The following GRM7 variants were observed in gnomAD, a reference collection of about 807,000 sequenced individuals.
GRM7 encodes the protein metabotropic glutamate receptor 7.
GRM7 carries 35 observed loss-of-function variants against 84.5 expected under a neutral mutation model. The observed-to-expected ratio is 0.41, with a 90% CI of 0.32 to 0.55. The LOEUF is 0.55. Ranked by LOEUF, GRM7 falls within the 20% of genes least tolerant of loss-of-function variation. GRM7 has a pLI of 0.19. For missense variants in GRM7, 1,003 were observed against 1,194.6 expected, an observed-to-expected ratio of 0.84 and a Z score of 2.36; for synonymous variants, 487 against 455.1, an observed-to-expected ratio of 1.07 and a Z score of -0.89.
intron 1 of GRM7, among the ~76,000 whole-genome samples, chr3:6,876,410 C>G (rs994242297): frequency 3.3e-5 from 5 of 152,016 alleles, no homozygotes; most frequent in African/African-American, 1.2e-4. Context: ...ACTTTGCTGG[C>G]TGTGGCAAAT....
rs371305531 is a variant in GRM7 at position 7,605,561 on chromosome 3, C to T, written c.2451+26204C>T. Reference sequence around the variant, plus strand: ...CCTGGGGCATAATATACCTAGCATACTAAGAATACAGCAAGAATGTCAAGT... The same window carrying T: ...CCTGGGGCATAATATACCTAGCATATTAAGAATACAGCAAGAATGTCAAGT... On this transcript the variant is annotated intron_variant, in intron 8 of 9. Coordinates refer to ENST00000357716, the MANE Select transcript of GRM7 (RefSeq NM_000844.4). 1.2e-3 allele frequency among the ~76,000 whole-genome samples: 178 copies of T among 152,146 alleles called. 1 individual carries two copies. Among genetic ancestry groups the T allele is most frequent in the African/African-American group, 3.9e-3 (163 of 41,512 alleles).
intron 6 of GRM7, among the ~76,000 whole-genome samples, chr3:7,457,859 A>T (rs1343422000): frequency 6.6e-6 from 1 of 152,200 alleles, no homozygotes; most frequent in African/African-American, 2.4e-5. Flanking sequence ...AGCCAATATC[A>T]ACTGTCAGAC....
intron 8 of GRM7, among the ~76,000 whole-genome samples, chr3:7,625,629 A>T (rs1697573765): frequency 6.6e-6 from 1 of 152,134 alleles, no homozygotes; most frequent in African/African-American, 2.4e-5. Context: ...TGATGGTGCT[A>T]TTGCATTCCA....
chr3:6,878,745 AT>A (rs1296363695), intron 1 of GRM7, among the ~76,000 whole-genome samples: 3 of 152,068 alleles, frequency 2.0e-5, no homozygotes, highest in Non-Finnish European at 4.4e-5. Context: ...TAGAAACTAT[AT>A]TTTTCTTGAA....
At chr3:7,730,041 A>C (rs932926476) in intron 9 of GRM7, among the ~76,000 whole-genome samples, 2 of 149,316 alleles carry the variant, frequency 1.3e-5, no homozygotes, top group East Asian at 4.3e-4. Flanking sequence ...CACCTGGCTA[A>C]TTTTTGTATT....
intron 2 of GRM7, among the ~76,000 whole-genome samples, chr3:7,166,456 T>TA (rs533522746): frequency 9.4e-4 from 143 of 152,308 alleles, no homozygotes; most frequent in African/African-American, 3.2e-3. Context: ...TAAAAGGAGA[T>TA]ACTCTTTCTG....
rs563258672 is a variant in GRM7 at position 7,151,947 on chromosome 3, T to C, written c.736+5279T>C. On this transcript the variant is annotated intron_variant, in intron 2 of 9. Coordinates refer to ENST00000357716, the MANE Select transcript of GRM7 (RefSeq NM_000844.4). The surrounding 1 kb of genome is among the most constrained non-coding windows in gnomAD (Gnocchi z 4.5). ...TTTCTTTCTGTCTATGTCATGGTGA[T>C]TATGGAAAACTCTGACACATTTTAA... Among the ~76,000 whole-genome samples the C allele has an allele frequency of 6.6e-6, 1 of 152,216 alleles. No homozygotes were observed. The highest frequency in any genetic ancestry group is 2.1e-4 in the South Asian group (1 of 4,812).
At chr3:7,309,859 G>A (rs755696456) in intron 4 of GRM7, among the ~76,000 whole-genome samples, 1 of 152,088 alleles carries the variant, frequency 6.6e-6, no homozygotes, top group Non-Finnish European at 1.5e-5. Context: ...AGTGTTTATG[G>A]GAAATCTGGG....
At chr3:7,475,438 C>T (rs950247983) in intron 7 of GRM7, among the ~76,000 whole-genome samples, 3 of 152,090 alleles carry the variant, frequency 2.0e-5, no homozygotes, top group Non-Finnish European at 2.9e-5. Context: ...TTACCCGATT[C>T]GTGTGCATAT....
At chr3:7,013,957 T>C (rs903981547) in intron 1 of GRM7, among the ~76,000 whole-genome samples, 2 of 152,222 alleles carry the variant, frequency 1.3e-5, no homozygotes, top group Non-Finnish European at 2.9e-5. Context: ...CTTTTGGTGT[T>C]AACTGACATA....
intron 1 of GRM7, among the ~76,000 whole-genome samples, chr3:7,099,273 G>T (rs1003496933): frequency 1.5e-5 from 2 of 130,460 alleles, no homozygotes; most frequent in African/African-American, 3.6e-5. Flanking sequence ...ATGTATATAT[G>T]AATACATGTA....
At chr3:7,121,122 A>G (rs1320439032) in intron 1 of GRM7, among the ~76,000 whole-genome samples, 1 of 152,192 alleles carries the variant, frequency 6.6e-6, no homozygotes, top group Non-Finnish European at 1.5e-5. Flanking sequence ...ATGAAAGAGT[A>G]TTATCATGAG....
intron 8 of GRM7, among the ~76,000 whole-genome samples, chr3:7,676,883 T>C (rs9860395): frequency 0.19 from 28,945 of 152,128 alleles, 6,121 homozygotes; most frequent in African/African-American, 0.53. Flanking sequence ...TGTCAGTACA[T>C]TATGATGGTT....
At chr3:7,508,973 A>G (rs1382244324) in intron 7 of GRM7, among the ~76,000 whole-genome samples, 2 of 152,146 alleles carry the variant, frequency 1.3e-5, no homozygotes, top group Non-Finnish European at 2.9e-5. Context: ...TTCACTTTTC[A>G]AAGTTTCAAT....
intron 8 of GRM7, among the ~76,000 whole-genome samples, chr3:7,588,153 C>T (rs1020783125): frequency 6.6e-6 from 1 of 152,144 alleles, no homozygotes; most frequent in African/African-American, 2.4e-5. Flanking sequence ...TGCCCATATA[C>T]AGCCTTCCTT....
intron 4 of GRM7, among the ~76,000 whole-genome samples, chr3:7,322,268 A>G (rs1330782805): frequency 9.4e-6 from 1 of 106,626 alleles, no homozygotes; most frequent in East Asian, 2.8e-4. Flanking sequence ...TATTTCATAG[A>G]TTAAAAAATG....
intron 8 of GRM7, among the ~76,000 whole-genome samples, chr3:7,587,579 C>G (rs1027002524): frequency 2.4e-4 from 36 of 152,164 alleles, no homozygotes; most frequent in African/African-American, 7.5e-4. Context: ...AAGGAGCATG[C>G]ACTTTGTTTT....
chr3:7,332,145 C>T (rs528768359), intron 4 of GRM7, among the ~76,000 whole-genome samples: 141 of 152,252 alleles, frequency 9.3e-4, no homozygotes, highest in African/African-American at 3.0e-3. Flanking sequence ...GGATATTAAA[C>T]GAGGAAAGTG....
chr3:7,341,580 A>G (rs1376754805), intron 4 of GRM7, among the ~76,000 whole-genome samples: 1 of 152,076 alleles, frequency 6.6e-6, no homozygotes, highest in Non-Finnish European at 1.5e-5. Context: ...TAAACTTTGT[A>G]AGCAGTGCAC....
Sources: allele counts gnomAD v4.1 joint callset (sites outside exome capture counted in the v4.1 genomes callset), GRCh38; gene constraint gnomAD v4.1.1; non-coding constraint Gnocchi (gnomAD v3.1); transcripts MANE v1.5; gene names NCBI Gene and HGNC (gene_info 2026-07-23, HGNC 2026-07-21).